The following GABRA2 variants were observed in gnomAD, a reference collection of about 807,000 sequenced individuals.
GABRA2 encodes the protein gamma-aminobutyric acid type A receptor subunit alpha2.
Under a neutral mutation model 48.7 loss-of-function variants are expected in GABRA2, and 16 were observed. The observed-to-expected ratio is 0.33, with a 90% CI of 0.22 to 0.50. GABRA2 has a LOEUF of 0.50. Ranked by LOEUF, GABRA2 falls within the 20% of genes least tolerant of loss-of-function variation. The pLI, the probability that GABRA2 is intolerant of heterozygous loss-of-function variation, is 0.98. For synonymous variants in GABRA2, 185 were observed against 184.5 expected (o/e 1.00, Z -0.02); for missense variants, 275 against 535.6 (o/e 0.51, Z 4.80).
chr4:46,306,740 C>T (rs1279067237), intron 6 of GABRA2, among the ~76,000 whole-genome samples: 1 of 152,154 alleles, frequency 6.6e-6, no homozygotes, highest in Non-Finnish European at 1.5e-5. Flanking sequence ...AACAGTTCTA[C>T]CTCCAGCTCT....
At position 46,245,014 on chromosome 4, in the gene GABRA2, G is replaced by T. The variant is rs1027188252; in HGVS notation, c.*5294C>A. On this transcript the variant is annotated 3_prime_UTR_variant, in exon 10 of 10. Transcript: ENST00000381620. ...AAGCAAAGAAAAAACACAGGTTTTT[G>T]GTTTTTTTGTTGTTTTTTGTTTTTT... Among the ~76,000 whole-genome samples, 1 of 150,990 alleles carries T rather than the reference G, an allele frequency of 6.6e-6. No homozygotes were observed. The highest frequency in any genetic ancestry group is 1.5e-5 in the Non-Finnish European group (1 of 67,402).
intron 3 of GABRA2, among the ~76,000 whole-genome samples, chr4:46,362,518 A>T (rs957509263): frequency 6.6e-6 from 1 of 152,258 alleles, no homozygotes; most frequent in African/African-American, 2.4e-5. Context: ...CAAGTCAAAA[A>T]AAGAAACACA....
Position 46,303,543 on chromosome 4 carries a change from T to C in GABRA2, c.773A>G (p.Tyr258Cys), listed in dbSNP as rs1197392292. 6.2e-7 allele frequency: 1 copy of C among 1,613,716 alleles called. No homozygotes were observed. Among genetic ancestry groups the C allele is most frequent in the Non-Finnish European group, 8.5e-7 (1 of 1,179,742 alleles). Residue 258 changes from tyrosine (Y) to cysteine (C), a missense_variant, in exon 8 of 10, where the codon TAT becomes TGT. This residue lies in a region of GABRA2 where 24 missense variants were observed against 113.8 expected (regional missense o/e 0.21). Transcript: ENST00000381620. ...RKIGYFVIQT[Y>C]LPCIMTVILS... ...AATGACAGTCATGATGCAAGGCAGA[T>C]AGGTTTGAATCACAAAATACCCAAT...
At chr4:46,390,149 G>A (rs994053150), upstream of GABRA2, 28 of 644,020 alleles carry the variant, frequency 4.3e-5, no homozygotes, top group African/African-American at 9.9e-5. Flanking sequence ...GAGTCAGGCC[G>A]GGTAGGAGGG....
At chr4:46,374,451 A>G (rs1255984408) in intron 3 of GABRA2, among the ~76,000 whole-genome samples, 5 of 152,168 alleles carry the variant, frequency 3.3e-5, no homozygotes, top group South Asian at 2.1e-4. Flanking sequence ...GTTAGGTCCC[A>G]TTATAAAACA....
At chr4:46,373,126 G>C (rs1274308079) in intron 3 of GABRA2, among the ~76,000 whole-genome samples, 1 of 152,172 alleles carries the variant, frequency 6.6e-6, no homozygotes, top group African/African-American at 2.4e-5. Context: ...GACCAGACTG[G>C]GTGGGGTAGT....
intron 9 of GABRA2, among the ~76,000 whole-genome samples, chr4:46,255,303 T>C (rs1715593568): frequency 6.6e-6 from 1 of 151,650 alleles, no homozygotes; most frequent in African/African-American, 2.4e-5. Context: ...ATATGTCATA[T>C]AGACTATAAT....
At chr4:46,256,470 A>T in intron 9 of GABRA2, 2 of 399,914 alleles carry the variant, frequency 5.0e-6, no homozygotes, top group Non-Finnish European at 8.9e-6. Context: ...ATTAAAAAAA[A>T]AATAAAACAT....
At chr4:46,262,193 C>A in intron 8 of GABRA2, 65 bp from the exon 9 acceptor site, 3 of 1,323,960 alleles carry the variant, frequency 2.3e-6, no homozygotes, top group South Asian at 1.2e-5. Context: ...TGGGAAGTAG[C>A]TTTTCTTTCT....
At chr4:46,308,179 T>G (rs537464916) in intron 6 of GABRA2, among the ~76,000 whole-genome samples, 42 of 152,312 alleles carry the variant, frequency 2.8e-4, no homozygotes, top group African/African-American at 9.1e-4. Context: ...CAGCTTCTTT[T>G]GGATTAATGA....
At chr4:46,330,007 T>G (rs1057488743) in intron 4 of GABRA2, among the ~76,000 whole-genome samples, 2 of 152,084 alleles carry the variant, frequency 1.3e-5, no homozygotes, top group African/African-American at 4.8e-5. Context: ...TGCATTTCAT[T>G]TTTGAGAATA....
In GABRA2 at chr4:46,389,975, AGTGGCGGTGATG is replaced by A. The variant is rs1472931609; in HGVS notation, c.-263_-252del. The A allele has an allele frequency of 1.0e-6, 1 of 980,190 alleles. No individual in the cohort carries two copies. Among genetic ancestry groups the A allele is most frequent in the Non-Finnish European group, 1.2e-6 (1 of 830,322 alleles). 60.7% of individuals were successfully genotyped at this position (980,190 alleles called of 1,614,324 possible). ...TGTAGAAGGAGGCGAAGGCGTTCGT[AGTGGCGGTGATG>A]GGCGGAGGAGGAGGAAGAGGAGGAG... On this transcript the variant is annotated 5_prime_UTR_variant, in exon 1 of 10. Coordinates refer to ENST00000381620, the MANE Select transcript of GABRA2 (RefSeq NM_000807.4).
chr4:46,328,235 G>T (rs530336606), intron 4 of GABRA2, among the ~76,000 whole-genome samples: 26 of 151,482 alleles, frequency 1.7e-4, no homozygotes, highest in African/African-American at 6.3e-4. Flanking sequence ...AACATTTTTG[G>T]GACAATTACA....
chr4:46,324,468 A>T (rs963282305), intron 4 of GABRA2, among the ~76,000 whole-genome samples: 10 of 152,148 alleles, frequency 6.6e-5, no homozygotes, highest in African/African-American at 2.2e-4. Context: ...GACAGCCTCA[A>T]AACTTGAAAC....
chr4:46,327,257 A>G (rs1208812739), intron 4 of GABRA2, among the ~76,000 whole-genome samples: 1 of 152,030 alleles, frequency 6.6e-6, no homozygotes, highest in Non-Finnish European at 1.5e-5. Flanking sequence ...TTCTACAAAT[A>G]GTAAATATGA....
At chr4:46,319,943 A>G (rs1336813329) in intron 4 of GABRA2, among the ~76,000 whole-genome samples, 2 of 151,802 alleles carry the variant, frequency 1.3e-5, no homozygotes, top group Non-Finnish European at 2.9e-5. Context: ...TCACAAGTGG[A>G]AAATACTTCA....
chr4:46,323,830 T>A (rs1729866794), intron 4 of GABRA2, among the ~76,000 whole-genome samples: 1 of 150,188 alleles, frequency 6.7e-6, no homozygotes, highest in Non-Finnish European at 1.5e-5. Context: ...AAAAAAAAAA[T>A]TAAATTTGAA....
At chr4:46,354,664 G>A (rs1235191692) in intron 3 of GABRA2, among the ~76,000 whole-genome samples, 10 of 152,032 alleles carry the variant, frequency 6.6e-5, no homozygotes, top group Admixed American at 6.6e-4. Context: ...AAATGAGCCA[G>A]GTGGCTTTTA....
chr4:46,293,325 G>A (rs1042996658), intron 8 of GABRA2, among the ~76,000 whole-genome samples: 14 of 152,140 alleles, frequency 9.2e-5, no homozygotes, highest in Admixed American at 6.5e-4. Context: ...CCACACTACC[G>A]ACAATTCATG....
Sources: allele counts gnomAD v4.1 joint callset (sites outside exome capture counted in the v4.1 genomes callset), GRCh38; gene constraint gnomAD v4.1.1; regional missense constraint gnomAD v4.1.1; transcripts MANE v1.5; gene names NCBI Gene and HGNC (gene_info 2026-07-23, HGNC 2026-07-21).